Variants in ODAD2 observed in about 807,000 individuals in gnomAD.
ODAD2 encodes the protein outer dynein arm-docking complex subunit 2.
In ODAD2, 89 loss-of-function variants were observed where a neutral mutation model predicts 106.8. The observed-to-expected ratio is 0.83, with a 90% CI of 0.70 to 0.99. The LOEUF (loss-of-function observed/expected upper bound fraction) is 0.99, where lower values mean the gene tolerates loss of function less well. ODAD2 is among the 50% of genes least tolerant of loss of function. The probability of loss-of-function intolerance (pLI) is 0.00; values close to 1 mark genes in which losing one functional copy is unlikely to be tolerated. For synonymous variants in ODAD2, 404 were observed against 436.2 expected (o/e 0.93, Z 0.92); for missense variants, 1,168 against 1,238.5 (o/e 0.94, Z 0.85).
intron 10 of ODAD2, among the ~76,000 whole-genome samples, chr10:27,959,387 T>C (rs1054063954): frequency 7.3e-5 from 11 of 151,668 alleles, no homozygotes; most frequent in Admixed American, 2.0e-4. Flanking sequence ...TTTTTTTCTT[T>C]CCCCCAGATG....
In ODAD2 at chr10:27,936,830, A is replaced by G. The variant is rs1846014520; in HGVS notation, c.2148T>C (p.Leu716=). The G allele has an allele frequency of 6.2e-7, 1 of 1,613,836 alleles. No individual in the cohort carries two copies. The highest frequency in any genetic ancestry group is 1.3e-5 in the African/African-American group (1 of 74,904). ...TRDLVRLHGG[L]KPLASLLNNT... is the part of the protein sequence containing the mutation. ...TATTGAGTAGACTGGCCAAGGGCTT[A>G]AGTCCTCCGTGCAGCCTAACGAGGT... is the stretch of plus-strand genomic sequence containing the variant. The change falls in exon 15 of 20, where the codon CTT becomes CTC. Residue 716 remains leucine, a synonymous_variant. Coordinates refer to ENST00000305242, the MANE Select transcript of ODAD2 (RefSeq NM_018076.5).
At chr10:27,825,996 C>T (rs1837010575) in intron 19 of ODAD2, among the ~76,000 whole-genome samples, 1 of 152,198 alleles carries the variant, frequency 6.6e-6, no homozygotes, top group Non-Finnish European at 1.5e-5. Context: ...CAGACCTTGA[C>T]CTCCTCAACT....
rs182221659 is a variant in ODAD2 at position 27,831,508 on chromosome 10, A to G, written c.3022-18883T>C. Reference sequence around the variant, plus strand: ...TTGAAGTTCTCAGCAAACCTAGCTAAATTTTATTATTAACGTTCCAATGTA... The same window carrying G: ...TTGAAGTTCTCAGCAAACCTAGCTAGATTTTATTATTAACGTTCCAATGTA... On this transcript the variant is annotated intron_variant, in intron 19 of 19. Transcript: ENST00000305242. 1.5e-3 allele frequency among the ~76,000 whole-genome samples: 233 copies of G among 152,264 alleles called. 3 individuals are homozygous for G. Among genetic ancestry groups the G allele is most frequent in the African/African-American group, 5.4e-3 (225 of 41,548 alleles).
chr10:27,877,763 C>T (rs947508310), intron 17 of ODAD2, among the ~76,000 whole-genome samples: 1 of 152,120 alleles, frequency 6.6e-6, no homozygotes, highest in African/African-American at 2.4e-5. Flanking sequence ...ATGCACAATT[C>T]AAATGTTCAT....
At chr10:27,963,196 C>T (rs1464036009) in intron 9 of ODAD2, among the ~76,000 whole-genome samples, 14 of 151,866 alleles carry the variant, frequency 9.2e-5, no homozygotes, top group East Asian at 1.9e-4. Flanking sequence ...TTAGTAGTGA[C>T]GGGATTTTCA....
intron 17 of ODAD2, among the ~76,000 whole-genome samples, chr10:27,882,885 T>A (rs1841842177): frequency 6.6e-6 from 1 of 151,440 alleles, no homozygotes; most frequent in South Asian, 2.1e-4. Context: ...TAAAGTCTTA[T>A]CCCTAGAGTG....
At chr10:27,936,599 A>G in intron 15 of ODAD2, 127 bp downstream of exon 15, 6 of 1,098,312 alleles carry the variant, frequency 5.5e-6, no homozygotes, top group Non-Finnish European at 5.4e-6. Flanking sequence ...TCATTGGGCT[A>G]ACTTCATCCA....
intron 3 of ODAD2, among the ~76,000 whole-genome samples, chr10:27,986,722 T>C (rs1204900406): frequency 1.3e-5 from 2 of 152,230 alleles, no homozygotes; most frequent in African/African-American, 4.8e-5. Flanking sequence ...CTTCTACTCA[T>C]AAGAAACATT....
intron 2 of ODAD2, among the ~76,000 whole-genome samples, chr10:27,990,764 G>A (rs964526670): frequency 1.3e-5 from 2 of 152,182 alleles, no homozygotes; most frequent in African/African-American, 4.8e-5. Context: ...TATAAATTGT[G>A]TGTGAATTGT....
At chr10:27,889,353 A>C (rs1842421346) in intron 17 of ODAD2, among the ~76,000 whole-genome samples, 1 of 152,220 alleles carries the variant, frequency 6.6e-6, no homozygotes, top group South Asian at 2.1e-4. Context: ...GCCTGAAAGA[A>C]GATGAAAGAA....
intron 10 of ODAD2, among the ~76,000 whole-genome samples, chr10:27,948,779 A>ATTTTTTTTTTTTTTTT (rs11451204): frequency 2.7e-4 from 11 of 40,322 alleles, no homozygotes; most frequent in East Asian, 8.4e-4. Flanking sequence ...TGGCCTTTGG[A>ATTTTTTTTTTTTTTTT]TTTTTTTTTT....
At chr10:27,901,479 T>C (rs981737682) in intron 17 of ODAD2, among the ~76,000 whole-genome samples, 1 of 152,206 alleles carries the variant, frequency 6.6e-6, no homozygotes, top group African/African-American at 2.4e-5. Flanking sequence ...ACCTTAAATG[T>C]AAATGGGCTA....
rs1048749109 is a variant in ODAD2, at chr10:27,923,539, A to T, written c.2495+11471T>A. On this transcript the variant is annotated intron_variant, in intron 16 of 19. Coordinates refer to ENST00000305242, the MANE Select transcript of ODAD2 (RefSeq NM_018076.5). Reference sequence around the variant, plus strand: ...CATTAATAATAAGAGAATTTCATACAGCAGTTACAGCATAAGACAGATCAA... The same window carrying T: ...CATTAATAATAAGAGAATTTCATACTGCAGTTACAGCATAAGACAGATCAA... 4.6e-5 allele frequency among the ~76,000 whole-genome samples: 7 copies of T among 152,328 alleles called. No homozygotes were observed. The East Asian group carries it at 9.6e-4, about 21-fold the overall frequency.
chr10:27,822,432 A>C (rs747394993), intron 19 of ODAD2, among the ~76,000 whole-genome samples: 11 of 152,130 alleles, frequency 7.2e-5, no homozygotes, highest in Non-Finnish European at 1.3e-4. Context: ...CCCAGAGCTG[A>C]TTTGAACTGG....
chr10:27,942,425 T>G (rs1380757713), intron 12 of ODAD2, among the ~76,000 whole-genome samples: 1 of 152,216 alleles, frequency 6.6e-6, no homozygotes, highest in Non-Finnish European at 1.5e-5. Flanking sequence ...ACTTAATTCT[T>G]GTTTATATCA....
intron 17 of ODAD2, among the ~76,000 whole-genome samples, chr10:27,899,280 C>A (rs1017829429): frequency 6.6e-6 from 1 of 152,000 alleles, no homozygotes; most frequent in Non-Finnish European, 1.5e-5. Context: ...TATACTCTGG[C>A]CCAGATACTA....
intron 16 of ODAD2, among the ~76,000 whole-genome samples, chr10:27,930,316 G>A (rs534503786): frequency 9.2e-5 from 14 of 152,148 alleles, no homozygotes; most frequent in East Asian, 1.9e-4. Context: ...AGTTTGAGGC[G>A]GGAGGACTGC....
At chr10:27,938,995 A>G (rs1846195485) in intron 14 of ODAD2, among the ~76,000 whole-genome samples, 1 of 152,168 alleles carries the variant, frequency 6.6e-6, no homozygotes, top group Non-Finnish European at 1.5e-5. Context: ...AGACGTGCAC[A>G]GTAACCAGCC....
chr10:27,948,638 A>G (rs1847105641), intron 10 of ODAD2, among the ~76,000 whole-genome samples: 1 of 152,160 alleles, frequency 6.6e-6, no homozygotes, highest in Non-Finnish European at 1.5e-5. Flanking sequence ...ATAGAGTAAA[A>G]TATGATTTTA....
Sources: gnomAD v4.1 joint callset for allele counts (sites outside exome capture counted in the v4.1 genomes callset) on GRCh38, gnomAD v4.1.1 for gene constraint, MANE v1.5 for transcripts, NCBI Gene and HGNC (gene_info 2026-07-23, HGNC 2026-07-21) for gene names.